Variants in GABRB3 observed in about 807,000 individuals in gnomAD.
GABRB3 encodes the protein gamma-aminobutyric acid receptor subunit beta-3.
Under a neutral mutation model 52.1 loss-of-function variants are expected in GABRB3, and 14 were observed. The observed-to-expected ratio is 0.27, with a 90% CI of 0.18 to 0.42. The LOEUF (loss-of-function observed/expected upper bound fraction) is 0.42. GABRB3 is among the 10% of genes least tolerant of loss of function. GABRB3 has a pLI of 1.00. For missense variants in GABRB3, 307 were observed against 609.1 expected, an observed-to-expected ratio of 0.50 and a Z score of 5.22; for synonymous variants, 260 against 232.3, an observed-to-expected ratio of 1.12 and a Z score of -1.08.
chr15:26,699,156 G>A (rs575432511), intron 3 of GABRB3, among the ~76,000 whole-genome samples: 1 of 152,156 alleles, frequency 6.6e-6, no homozygotes, highest in Non-Finnish European at 1.5e-5. Flanking sequence ...GAAGTTTCCA[G>A]AACTGGGAAC....
At chr15:26,609,258 T>C (rs1891971358) in intron 4 of GABRB3, among the ~76,000 whole-genome samples, 1 of 152,032 alleles carries the variant, frequency 6.6e-6, no homozygotes, top group Non-Finnish European at 1.5e-5. Flanking sequence ...CCACATATTC[T>C]CACTTGTTTG....
rs372825883 is a variant in GABRB3, at chr15:26,547,279, GAAGT to G, written c.*510_*513del. On this transcript the variant is annotated 3_prime_UTR_variant, in exon 9 of 9. Coordinates refer to ENST00000311550, the MANE Select transcript of GABRB3 (RefSeq NM_000814.6). ...CTTACTAAACTGAACGAGAGGATAT[GAAGT>G]AAGTGACTCATTTTAAACTAGCAAT... is the stretch of plus-strand genomic sequence containing the variant. 1.2e-4 allele frequency: 44 copies of G among 372,774 alleles called. No individual in the cohort carries two copies. The highest frequency in any genetic ancestry group is 3.1e-4 in the East Asian group (8 of 25,600). 23.1% of individuals were successfully genotyped at this position (372,774 alleles called of 1,614,324 possible).
chr15:26,587,242 C>T (rs1226818712), intron 4 of GABRB3, among the ~76,000 whole-genome samples: 1 of 152,108 alleles, frequency 6.6e-6, no homozygotes, highest in African/African-American at 2.4e-5. Flanking sequence ...AATGGAGCCA[C>T]TTTTTTCTTT....
At chr15:26,676,248 A>C (rs1404541130) in intron 3 of GABRB3, among the ~76,000 whole-genome samples, 1 of 152,194 alleles carries the variant, frequency 6.6e-6, no homozygotes. Context: ...CACTTGATTA[A>C]GTTACACAAA....
intron 3 of GABRB3, among the ~76,000 whole-genome samples, chr15:26,748,671 C>G (rs1266464989): frequency 6.6e-6 from 1 of 152,060 alleles, no homozygotes; most frequent in African/African-American, 2.4e-5. Context: ...TTAACTTTCT[C>G]TATTGGTTTT....
chr15:26,576,643 GAA>G (rs1890603315), intron 6 of GABRB3, among the ~76,000 whole-genome samples: 1 of 152,034 alleles, frequency 6.6e-6, no homozygotes, highest in Non-Finnish European at 1.5e-5. Context: ...ATGTGAGAGA[GAA>G]AGAAAAAAGA....
chr15:26,737,676 C>A (rs969234773), intron 3 of GABRB3, among the ~76,000 whole-genome samples: 4 of 151,872 alleles, frequency 2.6e-5, no homozygotes, highest in Non-Finnish European at 5.9e-5. Flanking sequence ...AAAATAAAAT[C>A]AACTCTTTTA....
At chr15:26,609,500 A>G (rs377444609) in intron 4 of GABRB3, among the ~76,000 whole-genome samples, 25 of 152,332 alleles carry the variant, frequency 1.6e-4, no homozygotes, top group African/African-American at 5.8e-4. Flanking sequence ...TAAAACTCTC[A>G]TAAGTCAGTC....
chr15:26,575,312 C>T (rs558278965), intron 6 of GABRB3, among the ~76,000 whole-genome samples: 4 of 152,232 alleles, frequency 2.6e-5, no homozygotes, highest in African/African-American at 4.8e-5. Context: ...GGAGTGAGCA[C>T]GCTCTGGTCC....
At chr15:26,580,886 G>A (rs942934484) in intron 5 of GABRB3, among the ~76,000 whole-genome samples, 2 of 152,252 alleles carry the variant, frequency 1.3e-5, no homozygotes, top group Admixed American at 6.5e-5. Flanking sequence ...TTCAAATACT[G>A]AAGGTGAATT....
intron 8 of GABRB3, among the ~76,000 whole-genome samples, chr15:26,549,120 T>A (rs137862653): frequency 1.2e-4 from 18 of 152,342 alleles, no homozygotes; most frequent in Non-Finnish European, 2.4e-4. Flanking sequence ...ATAGATTAAG[T>A]GTCTGTGGCT....
chr15:26,745,294 AT>A (rs1263163232), intron 3 of GABRB3, among the ~76,000 whole-genome samples: 2 of 152,140 alleles, frequency 1.3e-5, no homozygotes, highest in African/African-American at 2.4e-5. Context: ...AAAGTTTAAC[AT>A]TTTTTTAATT....
At chr15:26,610,528 T>C (rs1359153145) in intron 4 of GABRB3, among the ~76,000 whole-genome samples, 1 of 152,206 alleles carries the variant, frequency 6.6e-6, no homozygotes, top group African/African-American at 2.4e-5. Flanking sequence ...AAGCTGATAT[T>C]CTTTTATAAT....
At chr15:26,706,349 T>C (rs2140124427) in intron 3 of GABRB3, among the ~76,000 whole-genome samples, 1 of 152,172 alleles carries the variant, frequency 6.6e-6, no homozygotes, top group East Asian at 1.9e-4. Flanking sequence ...TACAGGAGCC[T>C]AGAAATCCTT....
chr15:26,559,664 A>C (rs1400565825), intron 8 of GABRB3, among the ~76,000 whole-genome samples: 1 of 152,240 alleles, frequency 6.6e-6, no homozygotes, highest in Non-Finnish European at 1.5e-5. Context: ...ACAATAACAT[A>C]CTGCTTTTAT....
chr15:26,733,739 G>C (rs557909993), intron 3 of GABRB3, among the ~76,000 whole-genome samples: 2 of 152,266 alleles, frequency 1.3e-5, no homozygotes, highest in South Asian at 2.1e-4. Context: ...CAAAGCAACA[G>C]TAATCAAAAC....
Position 26,547,389 on chromosome 15 carries a change from A to G in GABRB3, c.*404T>C, listed in dbSNP as rs568404003. On this transcript the variant is annotated 3_prime_UTR_variant, in exon 9 of 9. Coordinates refer to ENST00000311550, the MANE Select transcript of GABRB3 (RefSeq NM_000814.6). ...AAAACATCTAACTTATGATAATACA[A>G]GACACATTTGGGGATGATATTGTGT... 52 of 424,326 alleles carry G rather than the reference A, an allele frequency of 1.2e-4. No homozygotes were observed. The highest frequency in any genetic ancestry group is 1.8e-4 in the Non-Finnish European group (44 of 240,938). 26.3% of individuals were successfully genotyped at this position (424,326 alleles called of 1,614,324 possible). A position where few individuals can be genotyped will look rare whatever the true frequency, so the allele number is the denominator to read the frequency against.
chr15:26,633,844 A>G (rs976867975), intron 3 of GABRB3, among the ~76,000 whole-genome samples: 3 of 152,164 alleles, frequency 2.0e-5, no homozygotes, highest in African/African-American at 7.2e-5. Context: ...TTCTAAACCA[A>G]AGTATAAAAG....
intron 3 of GABRB3, among the ~76,000 whole-genome samples, chr15:26,649,111 G>A (rs146283630): frequency 2.7e-4 from 41 of 152,244 alleles, no homozygotes; most frequent in African/African-American, 8.4e-4. Flanking sequence ...CATTTGCTAC[G>A]GTGAGAAGCA....
Sources: gnomAD v4.1 joint callset for allele counts (sites outside exome capture counted in the v4.1 genomes callset) on GRCh38, gnomAD v4.1.1 for gene constraint, MANE v1.5 for transcripts, NCBI Gene and HGNC (gene_info 2026-07-23, HGNC 2026-07-21) for gene names.